The following CCND3 variants were observed in gnomAD, a reference collection of about 807,000 sequenced individuals.
CCND3 encodes cyclin D3.
A neutral mutation model predicts 28.7 loss-of-function variants in CCND3; 9 were observed. That is an observed-to-expected ratio of 0.31 (90% CI 0.19 to 0.55). CCND3 has a LOEUF of 0.55. Among genes scored for constraint, CCND3 ranks in the 20% least tolerant of loss-of-function variants. The pLI is 0.93. For synonymous variants in CCND3, 164 were observed against 163.9 expected (o/e 1.00, Z 0.00); for missense variants, 315 against 385.8 (o/e 0.82, Z 1.54).
intron 1 of CCND3, among the ~76,000 whole-genome samples, chr6:41,984,672 A>C (rs1043331477): frequency 6.6e-6 from 1 of 152,126 alleles, no homozygotes; most frequent in Non-Finnish European, 1.5e-5. Context: ...TTAAGTTTTC[A>C]AGGAATCACC....
chr6:42,037,140 C>G (rs769117782), intron 1 of CCND3, among the ~76,000 whole-genome samples: 2 of 152,010 alleles, frequency 1.3e-5, no homozygotes, highest in Non-Finnish European at 2.9e-5. Flanking sequence ...CAGGGTTTCA[C>G]TGTGTTAGCC....
rs1247223419 is a variant in CCND3, at chr6:41,967,188, C to T, written c.-45-26603G>A. On this transcript the variant is annotated intron_variant, in intron 1 of 4. Transcript: ENST00000372988. ...GGTTCCTTTGCTGAGTCATGGAGAA[C>T]GGCATTTTGAAAGGGGGAAGGCGGA... Among the ~76,000 whole-genome samples, 8 of 152,092 alleles carry T rather than the reference C, an allele frequency of 5.3e-5. No individual in the cohort carries two copies. In the East Asian group the frequency reaches 9.6e-4, roughly 18 times the overall value.
intron 1 of CCND3, among the ~76,000 whole-genome samples, chr6:41,975,071 C>T (rs1237927854): frequency 1.3e-5 from 2 of 152,092 alleles, no homozygotes; most frequent in African/African-American, 2.4e-5. Context: ...GGATTACAAG[C>T]GTGAGCCACC....
At chr6:41,991,905 G>C (rs60610471) in intron 1 of CCND3, among the ~76,000 whole-genome samples, 1 of 151,980 alleles carries the variant, frequency 6.6e-6, no homozygotes. Flanking sequence ...TTTCATCCAC[G>C]GTGACATAAA....
intron 3 of CCND3, 37 bp downstream of exon 3, chr6:41,937,198 T>C (rs1214557835): frequency 6.2e-7 from 1 of 1,612,048 alleles, no homozygotes; most frequent in African/African-American, 1.3e-5. Context: ...GTCTTCTGAT[T>C]TTTCCAATTT....
chr6:42,013,234 C>A (rs1237073199), intron 1 of CCND3, among the ~76,000 whole-genome samples: 1 of 152,114 alleles, frequency 6.6e-6, no homozygotes, highest in Non-Finnish European at 1.5e-5. Flanking sequence ...TTCATACAGC[C>A]TAAGGTAGAG....
chr6:41,943,310 A>G (rs1776090726), upstream of CCND3, among the ~76,000 whole-genome samples: 2 of 152,236 alleles, frequency 1.3e-5, no homozygotes, highest in Non-Finnish European at 1.5e-5. Flanking sequence ...CCTTTAATAT[A>G]TCAATGTTTA....
chr6:41,949,995 C>G (rs1052941438), intron 1 of CCND3, among the ~76,000 whole-genome samples: 9 of 148,822 alleles, frequency 6.0e-5, no homozygotes, highest in African/African-American at 2.0e-4. Context: ...CCCAGCTACT[C>G]GGGAGGCTGA....
chr6:41,977,094 A>G (rs974743085), intron 1 of CCND3, among the ~76,000 whole-genome samples: 8 of 152,184 alleles, frequency 5.3e-5, no homozygotes, highest in African/African-American at 1.4e-4. Context: ...TCCAGCCTGC[A>G]GCCCTGAGAG....
At chr6:41,947,146 A>C (rs1776191942) in intron 1 of CCND3, among the ~76,000 whole-genome samples, 1 of 151,632 alleles carries the variant, frequency 6.6e-6, no homozygotes, top group Non-Finnish European at 1.5e-5. Flanking sequence ...GCTTGAACCC[A>C]CCAGGTAGAG....
chr6:41,971,813 C>T (rs1192942672), intron 1 of CCND3, among the ~76,000 whole-genome samples: 2 of 150,812 alleles, frequency 1.3e-5, no homozygotes, highest in African/African-American at 4.9e-5. Flanking sequence ...GCTGGGATTA[C>T]AGGTGTGAGC....
intron 1 of CCND3, among the ~76,000 whole-genome samples, chr6:41,988,729 G>C (rs1453359287): frequency 4.4e-5 from 6 of 135,580 alleles, no homozygotes; most frequent in African/African-American, 1.7e-4. Flanking sequence ...GACGGAGTCT[G>C]GCTCTGTCGC....
At chr6:41,954,750 C>T (rs986810424) in intron 1 of CCND3, among the ~76,000 whole-genome samples, 3 of 152,078 alleles carry the variant, frequency 2.0e-5, no homozygotes, top group Non-Finnish European at 4.4e-5. Context: ...GTATTATTAT[C>T]CCATTTTACA....
At chr6:41,975,503 C>T (rs1762152811) in intron 1 of CCND3, among the ~76,000 whole-genome samples, 1 of 152,208 alleles carries the variant, frequency 6.6e-6, no homozygotes, top group African/African-American at 2.4e-5. Flanking sequence ...ACCCCCACGG[C>T]CACATCTAAA....
At chr6:41,959,871 G>A (rs561353318) in intron 1 of CCND3, among the ~76,000 whole-genome samples, 5 of 150,518 alleles carry the variant, frequency 3.3e-5, no homozygotes, top group Non-Finnish European at 5.9e-5. Flanking sequence ...CAGGAGAATC[G>A]CTTGAACCTA....
chr6:42,046,091 C>T (rs538188063), intron 1 of CCND3, among the ~76,000 whole-genome samples: 66 of 152,218 alleles, frequency 4.3e-4, no homozygotes, highest in Non-Finnish European at 6.6e-4. Context: ...TACCCATGCC[C>T]CCAACACACA....
chr6:41,943,507 A>G (rs1776095856), upstream of CCND3, among the ~76,000 whole-genome samples: 1 of 152,192 alleles, frequency 6.6e-6, no homozygotes. Context: ...ATTTTGGCAA[A>G]CCTGTATTGG....
At chr6:42,036,131 T>C (rs1764200739) in intron 1 of CCND3, among the ~76,000 whole-genome samples, 1 of 150,602 alleles carries the variant, frequency 6.6e-6, no homozygotes, top group Non-Finnish European at 1.5e-5. Context: ...TAGTTGGGAT[T>C]ATAGGCATGT....
At chr6:41,979,725 A>C (rs1762287367) in intron 1 of CCND3, among the ~76,000 whole-genome samples, 1 of 151,358 alleles carries the variant, frequency 6.6e-6, no homozygotes, top group African/African-American at 2.4e-5. Context: ...GTTTGAAAAA[A>C]ATTCTTTAGC....
Sources: allele counts gnomAD v4.1 joint callset (sites outside exome capture counted in the v4.1 genomes callset), GRCh38; gene constraint gnomAD v4.1.1; transcripts MANE v1.5; gene names NCBI Gene and HGNC (gene_info 2026-07-23, HGNC 2026-07-21).